CSMD3: variants seen among roughly 807,000 people sequenced by gnomAD.
The protein encoded by CSMD3 is CUB and sushi domain-containing protein 3.
A neutral mutation model predicts 435.2 loss-of-function variants in CSMD3; 177 were observed. That is an observed-to-expected ratio of 0.41 (90% CI 0.36 to 0.46). The LOEUF (loss-of-function observed/expected upper bound fraction) is 0.46, where lower values mean the gene tolerates loss of function less well. Among genes scored for constraint, CSMD3 ranks in the 20% least tolerant of loss-of-function variants. CSMD3 has a pLI of 0.34. For synonymous variants in CSMD3, 1,656 were observed against 1,520.5 expected, an observed-to-expected ratio of 1.09 and a Z score of -2.07; for missense variants, 4,265 against 4,504.6, an observed-to-expected ratio of 0.95 and a Z score of 1.52.
chr8:112,461,966 A>G (rs548547333), intron 32 of CSMD3, among the ~76,000 whole-genome samples: 139 of 152,214 alleles, frequency 9.1e-4, no homozygotes, highest in African/African-American at 3.2e-3. Context: ...GATTTCACCT[A>G]TTTTTTAAAC....
At chr8:112,983,899 C>T (rs530268869) in intron 6 of CSMD3, among the ~76,000 whole-genome samples, 10 of 152,120 alleles carry the variant, frequency 6.6e-5, no homozygotes, top group African/African-American at 1.7e-4. Flanking sequence ...TGCATAAATA[C>T]GCTCAAGTAA....
intron 13 of CSMD3, among the ~76,000 whole-genome samples, chr8:112,718,601 T>G (rs2076787787): frequency 6.6e-6 from 1 of 151,774 alleles, no homozygotes. Context: ...CAAAACAATT[T>G]AATTTTAAAT....
At chr8:113,401,505 C>T (rs1398584805) in intron 1 of CSMD3, among the ~76,000 whole-genome samples, 5 of 151,494 alleles carry the variant, frequency 3.3e-5, no homozygotes, top group South Asian at 2.1e-4. Context: ...GTGGGTAGTT[C>T]GCCTACATTT....
At position 112,351,139 on chromosome 8, in the gene CSMD3, G is replaced by A. The variant is rs987824765; in HGVS notation, c.6325+36C>T. ...TATAGTCTTTTTTTTTACACTTTAAGTTCTAGGGTAAATACTTTATAGTCT... is the reference window on the plus strand; with the variant it reads ...TATAGTCTTTTTTTTTACACTTTAAATTCTAGGGTAAATACTTTATAGTCT... On this transcript the variant is annotated intron_variant, in intron 40 of 70. Transcript: ENST00000297405. 3 of 1,245,326 alleles carry A rather than the reference G, an allele frequency of 2.4e-6. No homozygotes were observed. The African/African-American group carries it at 4.5e-5, about 19-fold the overall frequency. The allele number at this position is 1,245,326 out of a possible 1,614,324, so 77.1% of individuals were successfully genotyped here.
chr8:113,290,831 A>G (rs1050475172), intron 2 of CSMD3, among the ~76,000 whole-genome samples: 2 of 151,564 alleles, frequency 1.3e-5, no homozygotes, highest in Non-Finnish European at 3.0e-5. Flanking sequence ...CTATTTTAAA[A>G]TAATAATCAT....
At chr8:113,120,863 A>G (rs1419249793) in intron 4 of CSMD3, among the ~76,000 whole-genome samples, 1 of 152,182 alleles carries the variant, frequency 6.6e-6, no homozygotes, top group Non-Finnish European at 1.5e-5. Context: ...TTTATCTTAA[A>G]TGATAAATAA....
intron 13 of CSMD3, among the ~76,000 whole-genome samples, chr8:112,759,858 GAAT>G (rs2077794820): frequency 6.6e-6 from 1 of 151,966 alleles, no homozygotes; most frequent in Non-Finnish European, 1.5e-5. Flanking sequence ...ACCATTCTCA[GAAT>G]AATAGCTATT....
At chr8:112,322,345 G>A (rs1823078138) in intron 45 of CSMD3, among the ~76,000 whole-genome samples, 1 of 151,962 alleles carries the variant, frequency 6.6e-6, no homozygotes, top group Non-Finnish European at 1.5e-5. Flanking sequence ...GATGCTCAGA[G>A]TTATTATGTT....
chr8:112,980,560 G>A (rs963421941), intron 6 of CSMD3, among the ~76,000 whole-genome samples: 56 of 150,964 alleles, frequency 3.7e-4, no homozygotes, highest in Non-Finnish European at 5.9e-4. Flanking sequence ...TAAATACTAC[G>A]ACTAATTCTA....
In CSMD3 at chr8:112,921,770, G is replaced by A; in HGVS notation, c.1509-19C>T. The A allele has an allele frequency of 6.3e-7, 1 of 1,581,866 alleles. No individual in the cohort carries two copies. The highest frequency in any genetic ancestry group is 8.7e-7 in the Non-Finnish European group (1 of 1,151,604). Reference sequence around the variant, plus strand: ...TCCAAGGCTAAAGTTAAATAAAAGAGAAAAAATATGATAAGAAAGATGCAA... The same window carrying A: ...TCCAAGGCTAAAGTTAAATAAAAGAAAAAAAATATGATAAGAAAGATGCAA... On this transcript the variant is annotated intron_variant, in intron 9 of 70. Coordinates refer to ENST00000297405, the MANE Select transcript of CSMD3 (RefSeq NM_198123.2).
chr8:112,488,643 G>A (rs1208488431), intron 31 of CSMD3, among the ~76,000 whole-genome samples: 1 of 152,086 alleles, frequency 6.6e-6, no homozygotes, highest in Non-Finnish European at 1.5e-5. Context: ...GCAGCAAAGG[G>A]CCAGTCACCT....
rs372169563 is a variant in CSMD3, at chr8:112,719,357, G to T, written c.1973-29307C>A. Reference sequence around the variant, plus strand: ...AAAGAAAGAGTAGGTACACTGCTCAGCTTATGCTGCTACACCAAAATACCC... The same window carrying T: ...AAAGAAAGAGTAGGTACACTGCTCATCTTATGCTGCTACACCAAAATACCC... On this transcript the variant is annotated intron_variant, in intron 13 of 70. Coordinates refer to ENST00000297405, the MANE Select transcript of CSMD3 (RefSeq NM_198123.2). Among the ~76,000 whole-genome samples the T allele has an allele frequency of 2.0e-4, 30 of 152,272 alleles. 1 individual carries two copies. In the South Asian group the frequency reaches 6.2e-3, roughly 32 times the overall value.
chr8:112,372,715 C>T (rs1377827601), intron 38 of CSMD3, among the ~76,000 whole-genome samples: 1 of 151,446 alleles, frequency 6.6e-6, no homozygotes, highest in Admixed American at 6.6e-5. Context: ...CTGGGCATGG[C>T]AGTGTGACAT....
chr8:113,100,412 C>A (rs183470018), intron 4 of CSMD3, among the ~76,000 whole-genome samples: 2 of 152,178 alleles, frequency 1.3e-5, no homozygotes, highest in Non-Finnish European at 2.9e-5. Flanking sequence ...TAAATCACTT[C>A]TATTCTTTCC....
At chr8:113,205,222 A>T (rs1238357417) in intron 3 of CSMD3, among the ~76,000 whole-genome samples, 1 of 152,076 alleles carries the variant, frequency 6.6e-6, no homozygotes, top group Non-Finnish European at 1.5e-5. Context: ...ACCTCAGGTG[A>T]TCCACGTGCC....
intron 24 of CSMD3, among the ~76,000 whole-genome samples, chr8:112,565,254 T>C (rs1004163484): frequency 1.3e-5 from 2 of 152,118 alleles, no homozygotes. Flanking sequence ...TTGTAGGACA[T>C]AGAACCACAT....
intron 7 of CSMD3, among the ~76,000 whole-genome samples, chr8:112,956,005 G>C (rs1282398035): frequency 6.6e-6 from 1 of 151,766 alleles, no homozygotes; most frequent in Non-Finnish European, 1.5e-5. Flanking sequence ...AGTAGAGAAA[G>C]GGCCTGATGG....
At chr8:112,658,237 A>G (rs1484065598) in intron 17 of CSMD3, among the ~76,000 whole-genome samples, 1 of 152,298 alleles carries the variant, frequency 6.6e-6, no homozygotes, top group African/African-American at 2.4e-5. Flanking sequence ...TTTTCAGAGA[A>G]TCACTTTTAC....
At chr8:113,245,567 T>A (rs2093267931) in intron 3 of CSMD3, among the ~76,000 whole-genome samples, 1 of 152,074 alleles carries the variant, frequency 6.6e-6, no homozygotes, top group South Asian at 2.1e-4. Context: ...GTTATTGTAA[T>A]ATAAATGACC....
Sources: gnomAD v4.1 joint callset for allele counts (sites outside exome capture counted in the v4.1 genomes callset) on GRCh38, gnomAD v4.1.1 for gene constraint, MANE v1.5 for transcripts, NCBI Gene and HGNC (gene_info 2026-07-23, HGNC 2026-07-21) for gene names.